Variants in TBC1D22A observed in about 807,000 individuals in gnomAD.
TBC1D22A encodes putative GTPase activator.
Under a neutral mutation model 60.2 loss-of-function variants are expected in TBC1D22A, and 38 were observed. The observed-to-expected ratio is 0.63, with a 90% CI of 0.49 to 0.83. The LOEUF is 0.83. TBC1D22A is among the 40% of genes least tolerant of loss of function. TBC1D22A has a pLI of 0.00. For synonymous variants in TBC1D22A, 302 were observed against 281.7 expected, an observed-to-expected ratio of 1.07 and a Z score of -0.72; for missense variants, 628 against 701.0, an observed-to-expected ratio of 0.90 and a Z score of 1.18.
intron 11 of TBC1D22A, among the ~76,000 whole-genome samples, chr22:47,049,544 A>T (rs185053782): frequency 1.3e-5 from 2 of 152,374 alleles, no homozygotes; most frequent in Admixed American, 1.3e-4. Context: ...AAAGAAGGAA[A>T]ACCTCCCCTT....
At chr22:47,169,114 C>G (rs947340258) in intron 12 of TBC1D22A, among the ~76,000 whole-genome samples, 1 of 152,194 alleles carries the variant, frequency 6.6e-6, no homozygotes, top group Non-Finnish European at 1.5e-5. Flanking sequence ...TTGGAAACAT[C>G]CCAGCTTGGC....
At chr22:46,872,551 G>A (rs2067340451) in intron 4 of TBC1D22A, among the ~76,000 whole-genome samples, 1 of 152,236 alleles carries the variant, frequency 6.6e-6, no homozygotes, top group African/African-American at 2.4e-5. Flanking sequence ...ACAACAGGCA[G>A]TGCAGGGCTG....
chr22:46,802,461 A>G (rs1171460386), intron 4 of TBC1D22A, among the ~76,000 whole-genome samples: 1 of 152,172 alleles, frequency 6.6e-6, no homozygotes, highest in Non-Finnish European at 1.5e-5. Flanking sequence ...CAGAGGTGCA[A>G]AGGTCCTGCG....
intron 4 of TBC1D22A, among the ~76,000 whole-genome samples, chr22:46,864,003 G>A (rs1025292989): frequency 6.6e-6 from 1 of 152,136 alleles, no homozygotes; most frequent in Non-Finnish European, 1.5e-5. Flanking sequence ...ATTCACTCAG[G>A]TAGCTGTTTG....
chr22:46,783,900 A>C (rs1052667184), intron 1 of TBC1D22A, among the ~76,000 whole-genome samples: 1 of 152,178 alleles, frequency 6.6e-6, no homozygotes, highest in South Asian at 2.1e-4. Context: ...GTGCTTGTGC[A>C]AGGGTTTTCT....
intron 8 of TBC1D22A, among the ~76,000 whole-genome samples, chr22:46,960,512 T>C (rs2073437371): frequency 6.6e-6 from 1 of 152,176 alleles, no homozygotes; most frequent in Admixed American, 6.5e-5. Flanking sequence ...TCTGCCGGCC[T>C]CAGTCCCCCA....
intron 4 of TBC1D22A, among the ~76,000 whole-genome samples, chr22:46,803,138 C>G (rs1292334126): frequency 6.6e-6 from 1 of 151,514 alleles, no homozygotes; most frequent in Non-Finnish European, 1.5e-5. Context: ...GCTGTAGAGA[C>G]TGTGTTATCA....
intron 11 of TBC1D22A, among the ~76,000 whole-genome samples, chr22:47,049,120 A>G (rs533365234): frequency 1.6e-4 from 24 of 152,328 alleles, no homozygotes; most frequent in African/African-American, 5.5e-4. Flanking sequence ...CTGGGTCCCC[A>G]GTGTGGCACT....
intron 4 of TBC1D22A, among the ~76,000 whole-genome samples, chr22:46,824,746 G>A (rs942735957): frequency 5.3e-5 from 8 of 152,116 alleles, no homozygotes; most frequent in Non-Finnish European, 8.8e-5. Context: ...AAGCTGTGGG[G>A]AGGAGGCTTG....
chr22:46,912,701 C>T (rs887206005), intron 8 of TBC1D22A, among the ~76,000 whole-genome samples: 1 of 152,196 alleles, frequency 6.6e-6, no homozygotes, highest in Admixed American at 6.5e-5. Flanking sequence ...GGACTACGGG[C>T]ATGCGCCACC....
At chr22:46,829,979 T>C (rs556092747) in intron 4 of TBC1D22A, among the ~76,000 whole-genome samples, 1 of 152,304 alleles carries the variant, frequency 6.6e-6, no homozygotes, top group East Asian at 1.9e-4. Context: ...CACAGGGAAA[T>C]GAGACTGGCT....
chr22:46,971,263 G>C (rs183109520), intron 8 of TBC1D22A, among the ~76,000 whole-genome samples: 1 of 152,190 alleles, frequency 6.6e-6, no homozygotes, highest in Admixed American at 6.5e-5. Flanking sequence ...CCTGGCTCAC[G>C]CGGCGCCTGG....
intron 12 of TBC1D22A, among the ~76,000 whole-genome samples, chr22:47,142,319 C>T (rs1006783580): frequency 1.4e-5 from 2 of 138,308 alleles, no homozygotes; most frequent in Non-Finnish European, 3.1e-5. Flanking sequence ...ATCCACCCAC[C>T]CATCCATTCA....
intron 4 of TBC1D22A, among the ~76,000 whole-genome samples, chr22:46,826,690 G>GGAC (rs2086081192): frequency 6.6e-6 from 1 of 152,154 alleles, no homozygotes; most frequent in Non-Finnish European, 1.5e-5. Context: ...GACTGTCCCG[G>GGAC]AGCTTGCTTG....
At chr22:46,898,407 C>T (rs1454764294) in intron 7 of TBC1D22A, among the ~76,000 whole-genome samples, 1 of 152,190 alleles carries the variant, frequency 6.6e-6, no homozygotes, top group Non-Finnish European at 1.5e-5. Flanking sequence ...ATGTCTTTCT[C>T]CCGGGATGAT....
intron 8 of TBC1D22A, among the ~76,000 whole-genome samples, chr22:46,960,343 C>T (rs2073429193): frequency 6.6e-6 from 1 of 151,964 alleles, no homozygotes; most frequent in South Asian, 2.1e-4. Context: ...CTCACTGCAA[C>T]CTCCGACTCC....
intron 11 of TBC1D22A, among the ~76,000 whole-genome samples, chr22:47,069,968 C>CTGT (rs199806302): frequency 0.013 from 1,299 of 97,456 alleles, 70 homozygotes; most frequent in African/African-American, 0.031. Flanking sequence ...GCGCTGTCCC[C>CTGT]TGTTTGGTTG....
At chr22:47,012,852 GT>G (rs2061794254) in intron 10 of TBC1D22A, among the ~76,000 whole-genome samples, 1 of 152,170 alleles carries the variant, frequency 6.6e-6, no homozygotes, top group South Asian at 2.1e-4. Context: ...GACATTAACA[GT>G]TGTTCCGAGA....
intron 7 of TBC1D22A, among the ~76,000 whole-genome samples, chr22:46,911,218 G>A (rs1285994765): frequency 1.3e-5 from 2 of 152,088 alleles, no homozygotes; most frequent in East Asian, 3.8e-4. Context: ...TATATTGAGA[G>A]TATTGGAGGG....
Sources: gnomAD v4.1 joint callset for allele counts (sites outside exome capture counted in the v4.1 genomes callset) on GRCh38, gnomAD v4.1.1 for gene constraint, MANE v1.5 for transcripts, NCBI Gene and HGNC (gene_info 2026-07-23, HGNC 2026-07-21) for gene names.